Variants in PCDH7 observed in about 807,000 individuals in gnomAD.
PCDH7 encodes the protein protocadherin-7.
Under a neutral mutation model 58.9 loss-of-function variants are expected in PCDH7, and 17 were observed. That is an observed-to-expected ratio of 0.29 (90% CI 0.20 to 0.43). The LOEUF (loss-of-function observed/expected upper bound fraction) is 0.43. Ranked by LOEUF, PCDH7 falls within the 20% of genes least tolerant of loss-of-function variation. The pLI is 1.00. For synonymous variants in PCDH7, 664 were observed against 616.4 expected (o/e 1.08, Z -1.14); for missense variants, 1,274 against 1,441.0 (o/e 0.88, Z 1.88).
intron 3 of PCDH7, among the ~76,000 whole-genome samples, chr4:31,051,990 C>G (rs1231075613): frequency 6.6e-6 from 1 of 151,990 alleles, no homozygotes; most frequent in African/African-American, 2.4e-5. Context: ...TCTGTGGTTT[C>G]ATTGAAAGAG....
chr4:30,942,470 A>C (rs547979577), intron 2 of PCDH7, among the ~76,000 whole-genome samples: 3 of 152,056 alleles, frequency 2.0e-5, no homozygotes, highest in Non-Finnish European at 4.4e-5. Context: ...ACTAAGGTAC[A>C]TCAGTGGAAA....
At chr4:30,824,147 CTTT>C (rs1728802055) in intron 1 of PCDH7, among the ~76,000 whole-genome samples, 4 of 113,710 alleles carry the variant, frequency 3.5e-5, no homozygotes, top group African/African-American at 1.3e-4. Flanking sequence ...TTCTTTCTTT[CTTT>C]CTTTCTTTCT....
intron 1 of PCDH7, among the ~76,000 whole-genome samples, chr4:30,833,832 A>T (rs1241337467): frequency 6.6e-6 from 1 of 152,218 alleles, no homozygotes; most frequent in Non-Finnish European, 1.5e-5. Flanking sequence ...AATCAAATGG[A>T]AAATGTCATA....
At chr4:31,084,143 C>T (rs974310031) in intron 3 of PCDH7, among the ~76,000 whole-genome samples, 1 of 152,104 alleles carries the variant, frequency 6.6e-6, no homozygotes, top group African/African-American at 2.4e-5. Context: ...TCAGATGTAA[C>T]TATATTTAGA....
intron 1 of PCDH7, among the ~76,000 whole-genome samples, chr4:30,757,395 G>A (rs1719445796): frequency 6.6e-6 from 1 of 152,202 alleles, no homozygotes; most frequent in Non-Finnish European, 1.5e-5. Context: ...GAGCAGGGCA[G>A]AAAGGCCCTT....
At chr4:31,045,101 A>C (rs1157268017) in intron 3 of PCDH7, among the ~76,000 whole-genome samples, 1 of 152,008 alleles carries the variant, frequency 6.6e-6, no homozygotes, top group East Asian at 1.9e-4. Context: ...ATTTCAAGGT[A>C]GTTTATTAAT....
chr4:31,096,328 T>A (rs1412888359), intron 3 of PCDH7, among the ~76,000 whole-genome samples: 1 of 152,090 alleles, frequency 6.6e-6, no homozygotes, highest in African/African-American at 2.4e-5. Flanking sequence ...TAGAAAAGGA[T>A]GTGGTCAAAC....
chr4:30,965,931 C>T (rs1352841404), intron 3 of PCDH7, among the ~76,000 whole-genome samples: 2 of 152,108 alleles, frequency 1.3e-5, no homozygotes, highest in Non-Finnish European at 2.9e-5. Flanking sequence ...TGGCCATTTT[C>T]ATCTAAAAGT....
intron 1 of PCDH7, among the ~76,000 whole-genome samples, chr4:30,885,448 G>T (rs1420355497): frequency 6.6e-6 from 1 of 152,100 alleles, no homozygotes; most frequent in Non-Finnish European, 1.5e-5. Context: ...GGTTCCTAAT[G>T]AGCACGATGT....
intron 1 of PCDH7, among the ~76,000 whole-genome samples, chr4:30,904,392 A>T (rs1740638793): frequency 6.6e-6 from 1 of 152,146 alleles, no homozygotes; most frequent in Non-Finnish European, 1.5e-5. Flanking sequence ...GAATCCTCAC[A>T]GTGCATCCCC....
chr4:30,765,054 T>TGA (rs1424556643), intron 1 of PCDH7, among the ~76,000 whole-genome samples: 1 of 148,612 alleles, frequency 6.7e-6, no homozygotes, highest in African/African-American at 2.5e-5. Flanking sequence ...CTTGCACATA[T>TGA]GATCTGCTTG....
chr4:31,141,073 A>G (rs1243994004), intron 3 of PCDH7, among the ~76,000 whole-genome samples: 1 of 152,250 alleles, frequency 6.6e-6, no homozygotes, highest in Non-Finnish European at 1.5e-5. Flanking sequence ...GACAAACATT[A>G]GTGGCGAGCC....
intron 3 of PCDH7, among the ~76,000 whole-genome samples, chr4:30,995,848 C>T (rs1439118802): frequency 6.6e-6 from 1 of 152,120 alleles, no homozygotes; most frequent in Admixed American, 6.5e-5. Flanking sequence ...GGCTCCCTCC[C>T]TGCCTCCATC....
intron 3 of PCDH7, among the ~76,000 whole-genome samples, chr4:31,118,062 A>G (rs962514111): frequency 6.6e-6 from 1 of 152,236 alleles, no homozygotes; most frequent in Non-Finnish European, 1.5e-5. Flanking sequence ...TGAAGATAGG[A>G]TTCACATTTA....
intron 3 of PCDH7, among the ~76,000 whole-genome samples, chr4:31,071,891 A>G (rs1343449748): frequency 2.0e-5 from 3 of 152,058 alleles, no homozygotes; most frequent in African/African-American, 7.2e-5. Flanking sequence ...GGTTATTCTG[A>G]AGGTGGTGAG....
At chr4:30,995,381 G>A (rs1037911863) in intron 3 of PCDH7, among the ~76,000 whole-genome samples, 14 of 151,964 alleles carry the variant, frequency 9.2e-5, no homozygotes, top group Non-Finnish European at 1.8e-4. Context: ...GCGTGGTGGC[G>A]GGCGCCTGTA....
chr4:30,950,285 C>G (rs1464206943), intron 3 of PCDH7: 1 of 152,560 alleles, frequency 6.6e-6, no homozygotes, highest in Non-Finnish European at 1.5e-5. Context: ...CTGTCTCTTA[C>G]ATTTACAAGG....
intron 1 of PCDH7, among the ~76,000 whole-genome samples, chr4:30,797,063 C>A (rs990203185): frequency 4.6e-5 from 7 of 151,972 alleles, no homozygotes; most frequent in African/African-American, 1.7e-4. Flanking sequence ...CGGACTCAAG[C>A]AATTCTCGTG....
chr4:30,831,966 G>T (rs1387096771), intron 1 of PCDH7, among the ~76,000 whole-genome samples: 1 of 152,010 alleles, frequency 6.6e-6, no homozygotes, highest in Non-Finnish European at 1.5e-5. Context: ...TTAATGTATG[G>T]CCACCACTCA....
Sources: allele counts gnomAD v4.1 joint callset (sites outside exome capture counted in the v4.1 genomes callset), GRCh38; gene constraint gnomAD v4.1.1; transcripts MANE v1.5; gene names NCBI Gene and HGNC (gene_info 2026-07-23, HGNC 2026-07-21).